TMEM132D: variants seen among roughly 807,000 people sequenced by gnomAD.
TMEM132D encodes the protein mature OL transmembrane protein.
Under a neutral mutation model 62.3 loss-of-function variants are expected in TMEM132D, and 21 were observed. The ratio of observed to expected loss-of-function variants is 0.34; its 90% CI spans 0.24 to 0.49. The LOEUF is 0.49. Among genes scored for constraint, TMEM132D ranks in the 20% least tolerant of loss-of-function variants. The probability of loss-of-function intolerance (pLI) is 0.99; values close to 1 mark genes in which losing one functional copy is unlikely to be tolerated. For missense variants in TMEM132D, 1,346 were observed against 1,402.8 expected, an observed-to-expected ratio of 0.96 and a Z score of 0.65; for synonymous variants, 621 against 575.6, an observed-to-expected ratio of 1.08 and a Z score of -1.13.
chr12:129,522,277 C>T (rs533702251), intron 3 of TMEM132D, among the ~76,000 whole-genome samples: 3 of 152,160 alleles, frequency 2.0e-5, no homozygotes, highest in South Asian at 2.1e-4. Flanking sequence ...ACATCCTGTC[C>T]ATAAGAAACA....
chr12:129,587,969 G>GC, intron 2 of TMEM132D, among the ~76,000 whole-genome samples: 1 of 152,154 alleles, frequency 6.6e-6, no homozygotes, highest in Non-Finnish European at 1.5e-5. Flanking sequence ...AGACAGACCT[G>GC]AGCTCCTCCT....
chr12:129,444,127 C>T (rs574598470), intron 3 of TMEM132D, among the ~76,000 whole-genome samples: 11 of 152,224 alleles, frequency 7.2e-5, no homozygotes, highest in Admixed American at 3.3e-4. Flanking sequence ...GGATGAAAGA[C>T]TTAAATGTAA....
At chr12:129,717,188 C>G (rs561952082) in intron 1 of TMEM132D, among the ~76,000 whole-genome samples, 2 of 152,116 alleles carry the variant, frequency 1.3e-5, no homozygotes, top group Admixed American at 1.3e-4. Flanking sequence ...GAAGCACACC[C>G]GTCTTAATCC....
Position 129,395,748 on chromosome 12 carries a change from T to G in TMEM132D, c.1116-57931A>C, listed in dbSNP as rs1361008179. On this transcript the variant is annotated intron_variant, in intron 3 of 8. Transcript: ENST00000422113. ...ATACATGTACATAGATATCTATATA[T>G]CTATAGATAAAATATATATCTATAT... is the stretch of plus-strand genomic sequence containing the variant. Among the ~76,000 whole-genome samples, 5 of 149,180 alleles carry G rather than the reference T, an allele frequency of 3.4e-5. 1 individual carries two copies. The highest frequency in any genetic ancestry group is 7.4e-5 in the Non-Finnish European group (5 of 67,470).
chr12:129,106,668 A>G (rs1199635602), intron 5 of TMEM132D, among the ~76,000 whole-genome samples: 3 of 152,086 alleles, frequency 2.0e-5, no homozygotes, highest in African/African-American at 4.8e-5. Flanking sequence ...CTTCTTGGGC[A>G]GATTGGAGGA....
rs1471497578 is a variant in TMEM132D, at chr12:129,343,672, G to A, written c.1116-5855C>T. On this transcript the variant is annotated intron_variant, in intron 3 of 8. Transcript: ENST00000422113. ...CATGCCTGTAATCCCAGCACTTTGG[G>A]AGGCTGAGGTGGATGGATCACTTGA... Among the ~76,000 whole-genome samples, 4 of 151,936 alleles carry A rather than the reference G, an allele frequency of 2.6e-5. No individual in the cohort carries two copies. In the East Asian group the frequency reaches 7.7e-4, roughly 29 times the overall value.
intron 4 of TMEM132D, among the ~76,000 whole-genome samples, chr12:129,225,079 C>T (rs901834369): frequency 1.3e-5 from 2 of 152,160 alleles, no homozygotes; most frequent in Non-Finnish European, 2.9e-5. Flanking sequence ...TGCCTACTAG[C>T]TCTGTGACTT....
chr12:129,831,870 C>CTTTTTT (rs1872845437), intron 1 of TMEM132D, among the ~76,000 whole-genome samples: 2 of 60,558 alleles, frequency 3.3e-5, no homozygotes, highest in Non-Finnish European at 5.6e-5. Flanking sequence ...TTCTTTCTTT[C>CTTTTTT]TTTTTCTTTT....
intron 3 of TMEM132D, among the ~76,000 whole-genome samples, chr12:129,480,227 G>A (rs1874387234): frequency 6.6e-6 from 1 of 152,250 alleles, no homozygotes; most frequent in African/African-American, 2.4e-5. Flanking sequence ...GCATGGAGCT[G>A]CAGAGGGGTG....
intron 5 of TMEM132D, among the ~76,000 whole-genome samples, chr12:129,119,608 T>A (rs1054900892): frequency 1.8e-4 from 28 of 152,192 alleles, no homozygotes; most frequent in Non-Finnish European, 3.7e-4. Context: ...AAAAAGGTAA[T>A]TTGCATCAAT....
intron 4 of TMEM132D, among the ~76,000 whole-genome samples, chr12:129,306,830 C>T (rs142065763): frequency 5.2e-4 from 79 of 152,248 alleles, no homozygotes; most frequent in African/African-American, 1.8e-3. Context: ...ATCTAGACAA[C>T]AATGAGAACT....
intron 3 of TMEM132D, among the ~76,000 whole-genome samples, chr12:129,392,753 T>A (rs12232013): frequency 0.14 from 21,920 of 152,214 alleles, 1,764 homozygotes; most frequent in East Asian, 0.3. Context: ...ACATATATTC[T>A]GGGACCATTG....
At chr12:129,116,040 A>T (rs1875882217) in intron 5 of TMEM132D, among the ~76,000 whole-genome samples, 1 of 152,202 alleles carries the variant, frequency 6.6e-6, no homozygotes, top group African/African-American at 2.4e-5. Flanking sequence ...TCTGCAGAGA[A>T]ATTCCCCCAC....
At chr12:129,623,958 A>G (rs1421257043) in intron 2 of TMEM132D, among the ~76,000 whole-genome samples, 1 of 151,948 alleles carries the variant, frequency 6.6e-6, no homozygotes, top group African/African-American at 2.4e-5. Flanking sequence ...CAGTCGAGAA[A>G]CTCACAATAC....
At position 129,337,753 on chromosome 12, in the gene TMEM132D, G is replaced by T. The variant is rs2135658224; in HGVS notation, c.1180C>A (p.Pro394Thr). 6.2e-7 allele frequency: 1 copy of T among 1,614,136 alleles called. No individual in the cohort carries two copies. The highest frequency in any genetic ancestry group is 1.7e-5 in the Admixed American group (1 of 60,028). ...TGCCACGTGACCAGCTGTGTGGCTG[G>T]CAGGTCACCAGGCTCTTCCACCTCC... Reference protein sequence around the residue: ...DVEVEEPGDLPATQLVTWQVE... With the variant: ...DVEVEEPGDLTATQLVTWQVE... Residue 394 changes from proline (P) to threonine (T), a missense_variant, in exon 4 of 9, where the codon CCA (proline) becomes ACA (threonine). Transcript: ENST00000422113.
Position 129,903,470 on chromosome 12 carries a change from C to G in TMEM132D, c.-131G>C, listed in dbSNP as rs577697827. The G allele has an allele frequency of 3.2e-6, 3 of 935,582 alleles. No homozygotes were observed. 58.0% of individuals were successfully genotyped at this position (935,582 alleles called of 1,614,324 possible). ...CGCCCGGCTAGGGGCCCGAGCAGCC[C>G]GGGCGCCCTGCTCCCTCTTCCCGCC... On this transcript the variant is annotated 5_prime_UTR_variant, in exon 1 of 9. Coordinates refer to ENST00000422113, the MANE Select transcript of TMEM132D (RefSeq NM_133448.3). This position sits in a 1 kb window ranked among gnomAD's most constrained non-coding sequence, Gnocchi z 6.2.
chr12:129,079,288 A>G (rs550513736), intron 7 of TMEM132D, among the ~76,000 whole-genome samples: 31 of 152,278 alleles, frequency 2.0e-4, no homozygotes, highest in African/African-American at 7.5e-4. Flanking sequence ...ACTTTGGGAA[A>G]CGCAGCGCAT....
intron 2 of TMEM132D, among the ~76,000 whole-genome samples, chr12:129,541,617 A>G (rs538472738): frequency 6.6e-6 from 1 of 152,296 alleles, no homozygotes; most frequent in South Asian, 2.1e-4. Flanking sequence ...CCAAACCAAT[A>G]AACGACAACA....
chr12:129,143,267 T>G (rs117303215), intron 5 of TMEM132D, among the ~76,000 whole-genome samples: 4,168 of 152,186 alleles, frequency 0.027, 69 homozygotes, highest in Middle Eastern at 0.075. Flanking sequence ...GGGAAACACT[T>G]ACTTACATTT....
Sources: allele counts gnomAD v4.1 joint callset (sites outside exome capture counted in the v4.1 genomes callset), GRCh38; gene constraint gnomAD v4.1.1; non-coding constraint Gnocchi (gnomAD v3.1); transcripts MANE v1.5; gene names NCBI Gene and HGNC (gene_info 2026-07-23, HGNC 2026-07-21).